The following TMEM132D variants were observed in gnomAD, a reference collection of about 807,000 sequenced individuals.
TMEM132D encodes mature OL transmembrane protein.
Under a neutral mutation model 62.3 loss-of-function variants are expected in TMEM132D, and 21 were observed. The ratio of observed to expected loss-of-function variants is 0.34; its 90% confidence interval spans 0.24 to 0.49. The LOEUF (loss-of-function observed/expected upper bound fraction) is 0.49, where lower values mean the gene tolerates loss of function less well. Among genes scored for constraint, TMEM132D ranks in the 20% least tolerant of loss-of-function variants. The pLI, the probability that TMEM132D is intolerant of heterozygous loss-of-function variation, is 0.99. For synonymous variants in TMEM132D, 621 were observed against 575.6 expected (o/e 1.08, Z -1.13); for missense variants, 1,346 against 1,402.8 (o/e 0.96, Z 0.65).
intron 4 of TMEM132D, among the ~76,000 whole-genome samples, chr12:129,316,942 T>A (rs545549374): frequency 6.6e-6 from 1 of 152,290 alleles, no homozygotes; most frequent in Non-Finnish European, 1.5e-5. Context: ...TTAAAGTTTG[T>A]TTTGTCTGTT....
In TMEM132D at chr12:129,469,593, C is replaced by A. The variant is rs4759948; in HGVS notation, c.1115+61466G>T. Among the ~76,000 whole-genome samples the A allele has an allele frequency of 3.9e-5, 6 of 152,034 alleles. No individual in the cohort carries two copies. The East Asian group carries it at 5.8e-4, about 15-fold the overall frequency. On this transcript the variant is annotated intron_variant, in intron 3 of 8. Coordinates refer to ENST00000422113, the MANE Select transcript of TMEM132D (RefSeq NM_133448.3). ...CATCACTCAAGCAATCACTGAGCCCCTGCTCTGTCTCAGGTATACGGCAGT... is the reference window on the plus strand; with the variant it reads ...CATCACTCAAGCAATCACTGAGCCCATGCTCTGTCTCAGGTATACGGCAGT...
At chr12:129,757,360 G>T (rs182052453) in intron 1 of TMEM132D, among the ~76,000 whole-genome samples, 66 of 152,190 alleles carry the variant, frequency 4.3e-4, no homozygotes, top group African/African-American at 1.4e-3. Flanking sequence ...TTGCAGAGGG[G>T]TCATTGCTTA....
chr12:129,256,012 G>A (rs1232755977), intron 4 of TMEM132D, among the ~76,000 whole-genome samples: 1 of 152,194 alleles, frequency 6.6e-6, no homozygotes, highest in African/African-American at 2.4e-5. Context: ...AGGAAGAAGT[G>A]CTATTCCATA....
intron 2 of TMEM132D, among the ~76,000 whole-genome samples, chr12:129,539,795 T>G (rs567560246): frequency 2.0e-5 from 3 of 152,276 alleles, no homozygotes; most frequent in African/African-American, 7.2e-5. Flanking sequence ...ACATGCTGCT[T>G]TGATCACAGA....
chr12:129,490,883 T>C (rs560029827), intron 3 of TMEM132D, among the ~76,000 whole-genome samples: 1 of 152,188 alleles, frequency 6.6e-6, no homozygotes, highest in East Asian at 1.9e-4. Flanking sequence ...ATCCTCCCTG[T>C]AGCTTCACAT....
intron 5 of TMEM132D, among the ~76,000 whole-genome samples, chr12:129,126,221 A>G (rs1317232705): frequency 1.3e-5 from 2 of 152,086 alleles, no homozygotes; most frequent in African/African-American, 4.8e-5. Context: ...ATCCCTCTAT[A>G]TTTATATCTA....
At chr12:129,569,278 G>C (rs1877448845) in intron 2 of TMEM132D, among the ~76,000 whole-genome samples, 1 of 152,194 alleles carries the variant, frequency 6.6e-6, no homozygotes, top group African/African-American at 2.4e-5. Flanking sequence ...CAAGTGCAAA[G>C]ATGCTCAGGG....
At chr12:129,771,213 C>T (rs1316584586) in intron 1 of TMEM132D, among the ~76,000 whole-genome samples, 2 of 152,226 alleles carry the variant, frequency 1.3e-5, no homozygotes, top group Non-Finnish European at 2.9e-5. Context: ...TGCCTTTGCA[C>T]GTGTCATTCC....
intron 4 of TMEM132D, among the ~76,000 whole-genome samples, chr12:129,254,791 T>C (rs1190321125): frequency 6.6e-6 from 1 of 152,200 alleles, no homozygotes; most frequent in Admixed American, 6.5e-5. Context: ...TATATGATAT[T>C]TCTTTACAGA....
intron 1 of TMEM132D, among the ~76,000 whole-genome samples, chr12:129,810,141 C>A (rs969598588): frequency 2.0e-5 from 3 of 152,110 alleles, no homozygotes; most frequent in Admixed American, 6.6e-5. Context: ...GTATCACTAG[C>A]ATTTTTATTA....
chr12:129,287,985 C>T (rs1445383923), intron 4 of TMEM132D, among the ~76,000 whole-genome samples: 1 of 152,164 alleles, frequency 6.6e-6, no homozygotes, highest in Non-Finnish European at 1.5e-5. Flanking sequence ...AGTGTGATGC[C>T]TCTAGCTTTG....
chr12:129,293,103 G>C (rs149746440), intron 4 of TMEM132D, among the ~76,000 whole-genome samples: 247 of 152,296 alleles, frequency 1.6e-3, no homozygotes, highest in Non-Finnish European at 2.9e-3. Flanking sequence ...TGACTAGCCT[G>C]ACAGGGCTTT....
At chr12:129,601,775 A>G (rs150482874) in intron 2 of TMEM132D, among the ~76,000 whole-genome samples, 6 of 152,198 alleles carry the variant, frequency 3.9e-5, no homozygotes, top group Non-Finnish European at 8.8e-5. Flanking sequence ...AGCCACAAAC[A>G]ATAGTAACAT....
At chr12:129,838,338 A>G (rs1272896222) in intron 1 of TMEM132D, among the ~76,000 whole-genome samples, 1 of 152,238 alleles carries the variant, frequency 6.6e-6, no homozygotes, top group African/African-American at 2.4e-5. Context: ...GAAAGACTGC[A>G]TTTATGGTCT....
chr12:129,304,565 T>G (rs184170258), intron 4 of TMEM132D, among the ~76,000 whole-genome samples: 1 of 151,920 alleles, frequency 6.6e-6, no homozygotes, highest in Non-Finnish European at 1.5e-5. Flanking sequence ...GGTCACAGCC[T>G]GAACAATCCC....
At chr12:129,196,494 A>G (rs1425904880) in intron 5 of TMEM132D, among the ~76,000 whole-genome samples, 2 of 152,186 alleles carry the variant, frequency 1.3e-5, no homozygotes, top group East Asian at 3.9e-4. Context: ...TTCTAGGTCT[A>G]AGATGCCCAT....
At chr12:129,799,819 G>A (rs1407610791) in intron 1 of TMEM132D, among the ~76,000 whole-genome samples, 1 of 152,194 alleles carries the variant, frequency 6.6e-6, no homozygotes, top group African/African-American at 2.4e-5. Flanking sequence ...GAGCACAGAA[G>A]GGACTGGGGC....
At chr12:129,555,364 T>C (rs551469696) in intron 2 of TMEM132D, among the ~76,000 whole-genome samples, 12 of 152,272 alleles carry the variant, frequency 7.9e-5, no homozygotes, top group Admixed American at 7.8e-4. Context: ...TAAGGTGGGA[T>C]GAAAGTTGGG....
chr12:129,535,244 T>C (rs1876347943), intron 2 of TMEM132D, among the ~76,000 whole-genome samples: 1 of 152,184 alleles, frequency 6.6e-6, no homozygotes, highest in Non-Finnish European at 1.5e-5. Context: ...GCAGGTGAGG[T>C]GGGCACTGCA....
Sources: allele counts gnomAD v4.1 joint callset (sites outside exome capture counted in the v4.1 genomes callset), GRCh38; gene constraint gnomAD v4.1.1; transcripts MANE v1.5; gene names NCBI Gene and HGNC (gene_info 2026-07-23, HGNC 2026-07-21).